The following UNC5D variants were observed in gnomAD, a reference collection of about 807,000 sequenced individuals.
UNC5D encodes unc-5 netrin receptor D.
In UNC5D, 39 loss-of-function variants were observed where a neutral mutation model predicts 105.4. That is an observed-to-expected ratio of 0.37 (90% CI 0.29 to 0.48). The LOEUF (loss-of-function observed/expected upper bound fraction) is 0.48, where lower values mean the gene tolerates loss of function less well. UNC5D is among the 20% of genes least tolerant of loss of function. UNC5D has a pLI of 0.98. For synonymous variants in UNC5D, 452 were observed against 450.4 expected, an observed-to-expected ratio of 1.00 and a Z score of -0.04; for missense variants, 991 against 1,202.4, an observed-to-expected ratio of 0.82 and a Z score of 2.60.
At chr8:35,389,497 A>T (rs1803636094) in intron 1 of UNC5D, among the ~76,000 whole-genome samples, 1 of 152,130 alleles carries the variant, frequency 6.6e-6, no homozygotes. Flanking sequence ...CCATAACATG[A>T]CTGTAATGAT....
intron 1 of UNC5D, among the ~76,000 whole-genome samples, chr8:35,403,305 C>T (rs1804590435): frequency 1.3e-5 from 2 of 152,240 alleles, no homozygotes; most frequent in Non-Finnish European, 2.9e-5. Context: ...TTGCTACCTA[C>T]TGTGGCAGTC....
rs201300474 is a variant in UNC5D, at chr8:35,580,443, AAAAAAC to A, written c.466+12220_466+12225del. Among the ~76,000 whole-genome samples, 268 of 152,262 alleles carry A rather than the reference AAAAAAC, an allele frequency of 1.8e-3. No individual in the cohort carries two copies. In the East Asian group the frequency reaches 0.042, roughly 24 times the overall value. On this transcript the variant is annotated intron_variant, in intron 3 of 16. Transcript: ENST00000404895. ...CAGCTCTCAAATTGCTGATGAGGAA[AAAAAAC>A]AAAAACAAAAACAAAAAAACAACCA...
intron 1 of UNC5D, among the ~76,000 whole-genome samples, chr8:35,540,051 T>C (rs1815153990): frequency 6.6e-6 from 1 of 152,182 alleles, no homozygotes; most frequent in Non-Finnish European, 1.5e-5. Context: ...TAACTATGAA[T>C]GGCCTCACTC....
At chr8:35,249,092 A>T (rs1342010113) in intron 1 of UNC5D, among the ~76,000 whole-genome samples, 14 of 124,346 alleles carry the variant, frequency 1.1e-4, no homozygotes, top group African/African-American at 4.1e-4. Context: ...GTTATATATA[A>T]TATATAAAAA....
At chr8:35,465,864 G>T (rs140054429) in intron 1 of UNC5D, among the ~76,000 whole-genome samples, 23 of 152,250 alleles carry the variant, frequency 1.5e-4, no homozygotes, top group African/African-American at 5.3e-4. Flanking sequence ...TGTTATCGTA[G>T]AAGACAATGC....
At chr8:35,507,246 G>T (rs890120239) in intron 1 of UNC5D, among the ~76,000 whole-genome samples, 2 of 151,408 alleles carry the variant, frequency 1.3e-5, no homozygotes, top group African/African-American at 4.9e-5. Context: ...TAGTAGAGAC[G>T]GGGTTTCACC....
At chr8:35,468,598 T>C (rs4620282) in intron 1 of UNC5D, among the ~76,000 whole-genome samples, 4,784 of 152,254 alleles carry the variant, frequency 0.031, 261 homozygotes, top group African/African-American at 0.11. Context: ...GTTATTACAT[T>C]CATGTTTAAA....
chr8:35,766,113 TA>T (rs1304274642), intron 14 of UNC5D, among the ~76,000 whole-genome samples: 1 of 152,164 alleles, frequency 6.6e-6, no homozygotes, highest in Non-Finnish European at 1.5e-5. Flanking sequence ...CCTCATTTAC[TA>T]AAAGGTATTT....
chr8:35,686,421 T>G, intron 6 of UNC5D, 124 bp from the exon 7 acceptor site: 3 of 1,087,820 alleles, frequency 2.8e-6, no homozygotes, highest in East Asian at 6.1e-5. Context: ...GGATATGTTC[T>G]TTTGTTTCTG....
chr8:35,670,758 A>G (rs930660513), intron 4 of UNC5D, among the ~76,000 whole-genome samples: 1 of 150,906 alleles, frequency 6.6e-6, no homozygotes, highest in Non-Finnish European at 1.5e-5. Context: ...TACCTAATGC[A>G]TGTGGGCCAT....
chr8:35,237,139 G>A (rs1802519588), intron 1 of UNC5D, among the ~76,000 whole-genome samples: 2 of 140,398 alleles, frequency 1.4e-5, no homozygotes, highest in Admixed American at 1.4e-4. Context: ...TCCATTGTAT[G>A]ATCCTATTCT....
intron 8 of UNC5D, chr8:35,721,570 G>T: frequency 1.4e-6 from 1 of 700,728 alleles, no homozygotes; most frequent in South Asian, 1.5e-5. Flanking sequence ...ATCTGCCATG[G>T]ACTTAACAGC....
intron 7 of UNC5D, among the ~76,000 whole-genome samples, chr8:35,700,246 T>A (rs1827094376): frequency 6.6e-6 from 1 of 152,180 alleles, no homozygotes; most frequent in Non-Finnish European, 1.5e-5. Flanking sequence ...AATACACTGA[T>A]AATCAATAAC....
At chr8:35,674,906 G>A (rs1320158808) in intron 4 of UNC5D, among the ~76,000 whole-genome samples, 2 of 152,160 alleles carry the variant, frequency 1.3e-5, no homozygotes, top group African/African-American at 2.4e-5. Flanking sequence ...TTCAGTTTAT[G>A]CAGGGAGTGA....
intron 4 of UNC5D, among the ~76,000 whole-genome samples, chr8:35,603,054 G>A (rs1820007785): frequency 6.6e-6 from 1 of 151,926 alleles, no homozygotes; most frequent in South Asian, 2.1e-4. Flanking sequence ...CTTCAGTTCT[G>A]CTCTGATCTT....
intron 1 of UNC5D, among the ~76,000 whole-genome samples, chr8:35,258,909 T>C (rs1047520174): frequency 1.3e-5 from 2 of 151,972 alleles, no homozygotes; most frequent in East Asian, 1.9e-4. Context: ...GAATTTTGAG[T>C]GGGAATCATG....
At chr8:35,619,878 ACGGAG>A (rs1821249735) in intron 4 of UNC5D, among the ~76,000 whole-genome samples, 1 of 152,132 alleles carries the variant, frequency 6.6e-6, no homozygotes, top group African/African-American at 2.4e-5. Context: ...CACCTGTTGC[ACGGAG>A]ATTATGAGAG....
intron 4 of UNC5D, among the ~76,000 whole-genome samples, chr8:35,642,380 A>G (rs1028263376): frequency 2.0e-5 from 3 of 152,076 alleles, no homozygotes; most frequent in African/African-American, 4.8e-5. Context: ...TATATCTGGT[A>G]TCATATTCTT....
chr8:35,249,395 T>G (rs1456541768), intron 1 of UNC5D, among the ~76,000 whole-genome samples: 2 of 149,552 alleles, frequency 1.3e-5, no homozygotes, highest in Admixed American at 1.3e-4. Flanking sequence ...CCATCTCTAC[T>G]GAAAATACAA....
Sources: gnomAD v4.1 joint callset for allele counts (sites outside exome capture counted in the v4.1 genomes callset) on GRCh38, gnomAD v4.1.1 for gene constraint, MANE v1.5 for transcripts, NCBI Gene and HGNC (gene_info 2026-07-23, HGNC 2026-07-21) for gene names.